KCNIP4: variants seen among roughly 807,000 people sequenced by gnomAD.
The protein encoded by KCNIP4 is Kv channel-interacting protein 4.
KCNIP4 carries 12 observed loss-of-function variants against 34.0 expected under a neutral mutation model. That is an observed-to-expected ratio of 0.35 (90% CI 0.23 to 0.57). The LOEUF is 0.57. Among genes scored for constraint, KCNIP4 ranks in the 20% least tolerant of loss-of-function variants. The pLI is 0.83. For missense variants in KCNIP4, 238 were observed against 311.7 expected (o/e 0.76, Z 1.78); for synonymous variants, 124 against 102.2 (o/e 1.21, Z -1.29).
At chr4:21,798,833 A>G (rs543411250) in intron 1 of KCNIP4, among the ~76,000 whole-genome samples, 1 of 152,270 alleles carries the variant, frequency 6.6e-6, no homozygotes, top group African/African-American at 2.4e-5. Flanking sequence ...ACCCTGCTTC[A>G]AAATAATCAG....
intron 1 of KCNIP4, among the ~76,000 whole-genome samples, chr4:21,490,383 T>G (rs2109858371): frequency 6.6e-6 from 1 of 152,216 alleles, no homozygotes; most frequent in East Asian, 1.9e-4. Context: ...AAATCTCTGT[T>G]CCTTTCCTTC....
intron 1 of KCNIP4, among the ~76,000 whole-genome samples, chr4:20,964,018 C>T (rs902144667): frequency 6.6e-6 from 1 of 152,158 alleles, no homozygotes; most frequent in Admixed American, 6.5e-5. Flanking sequence ...ACTTATTATA[C>T]TCTAAGTATA....
At chr4:21,845,589 T>C (rs1723966892) in intron 1 of KCNIP4, 1 of 152,086 alleles carries the variant, frequency 6.6e-6, no homozygotes, top group African/African-American at 2.4e-5. Flanking sequence ...GCTTTTTTTC[T>C]TGCAAAAGGA....
Position 21,235,723 on chromosome 4 carries a change from T to G in KCNIP4, c.62-353014A>C, listed in dbSNP as rs370542503. 3.0e-4 allele frequency among the ~76,000 whole-genome samples: 45 copies of G among 152,364 alleles called. 1 individual carries two copies. The East Asian group carries it at 7.1e-3, about 24-fold the overall frequency. On this transcript the variant is annotated intron_variant, in intron 1 of 8. Transcript: ENST00000382152. ...TAACTTCTATGAGGCAAGGATTTCT[T>G]TGGCTTAACAATATCACAGTGACTG...
At chr4:21,441,891 G>A (rs894943186) in intron 1 of KCNIP4, among the ~76,000 whole-genome samples, 2 of 152,142 alleles carry the variant, frequency 1.3e-5, no homozygotes, top group Non-Finnish European at 2.9e-5. Flanking sequence ...AGGCTTTGGA[G>A]AAAGATTTAA....
chr4:21,203,628 C>A (rs1036067780), intron 1 of KCNIP4, among the ~76,000 whole-genome samples: 3 of 152,312 alleles, frequency 2.0e-5, no homozygotes, highest in Middle Eastern at 3.4e-3. Context: ...CCTGTTCTTG[C>A]CCCTGCTGGC....
At chr4:21,664,574 C>T (rs1436649065) in intron 1 of KCNIP4, among the ~76,000 whole-genome samples, 2 of 152,010 alleles carry the variant, frequency 1.3e-5, no homozygotes, top group Non-Finnish European at 2.9e-5. Flanking sequence ...ATAGCAAAGT[C>T]GTTAAAAGTG....
At chr4:21,932,646 C>G (rs893318762) in intron 1 of KCNIP4, among the ~76,000 whole-genome samples, 6 of 151,956 alleles carry the variant, frequency 3.9e-5, no homozygotes, top group African/African-American at 1.2e-4. Flanking sequence ...GAAATCAAAA[C>G]TTTCAGGCCA....
chr4:21,605,595 C>G (rs1273987012), intron 1 of KCNIP4, among the ~76,000 whole-genome samples: 1 of 152,050 alleles, frequency 6.6e-6, no homozygotes, highest in Non-Finnish European at 1.5e-5. Flanking sequence ...ATTCTCCTGC[C>G]TCAGCCTCCA....
At chr4:21,131,073 C>T (rs1751032734) in intron 1 of KCNIP4, among the ~76,000 whole-genome samples, 1 of 152,076 alleles carries the variant, frequency 6.6e-6, no homozygotes, top group African/African-American at 2.4e-5. Flanking sequence ...GAACGTATTT[C>T]TGTATATATA....
intron 1 of KCNIP4, among the ~76,000 whole-genome samples, chr4:21,439,113 CAT>C (rs903620417): frequency 6.9e-6 from 1 of 145,416 alleles, no homozygotes; most frequent in African/African-American, 2.6e-5. Flanking sequence ...AGTGAGCCGA[CAT>C]CGCGCCACTG....
intron 1 of KCNIP4, among the ~76,000 whole-genome samples, chr4:21,312,322 TA>T (rs998333504): frequency 2.1e-4 from 32 of 152,298 alleles, no homozygotes; most frequent in African/African-American, 7.2e-4. Flanking sequence ...GAAAGCTCCC[TA>T]AAAAGGAATC....
At chr4:21,445,189 G>A (rs1727867331) in intron 1 of KCNIP4, among the ~76,000 whole-genome samples, 1 of 152,082 alleles carries the variant, frequency 6.6e-6, no homozygotes. Context: ...CTTGAAAATG[G>A]CCATACTGCC....
intron 1 of KCNIP4, among the ~76,000 whole-genome samples, chr4:20,934,607 T>C (rs1000708772): frequency 2.6e-5 from 4 of 152,192 alleles, no homozygotes; most frequent in East Asian, 1.9e-4. Context: ...CCACACACTA[T>C]GCAAGCATTG....
At chr4:21,619,797 T>C (rs1347127733) in intron 1 of KCNIP4, among the ~76,000 whole-genome samples, 6 of 152,252 alleles carry the variant, frequency 3.9e-5, no homozygotes, top group African/African-American at 7.2e-5. Flanking sequence ...TTCAAGTGTT[T>C]CATGGTCTAA....
At chr4:21,853,959 C>A (rs534752224) in intron 1 of KCNIP4, among the ~76,000 whole-genome samples, 1 of 152,160 alleles carries the variant, frequency 6.6e-6, no homozygotes, top group African/African-American at 2.4e-5. Flanking sequence ...GGCCTTGAGA[C>A]GATAGAAGAA....
At chr4:21,815,605 C>T (rs1349556844) in intron 1 of KCNIP4, among the ~76,000 whole-genome samples, 3 of 152,056 alleles carry the variant, frequency 2.0e-5, no homozygotes, top group Admixed American at 6.6e-5. Flanking sequence ...TGCAGACTGA[C>T]ATCTACAAGT....
intron 1 of KCNIP4, among the ~76,000 whole-genome samples, chr4:21,349,332 T>C (rs1717775141): frequency 6.6e-6 from 1 of 151,810 alleles, no homozygotes; most frequent in Admixed American, 6.6e-5. Context: ...AGCAGAAGAG[T>C]AAATTGAGTC....
At chr4:21,049,839 A>G (rs1016890614) in intron 1 of KCNIP4, among the ~76,000 whole-genome samples, 1 of 152,240 alleles carries the variant, frequency 6.6e-6, no homozygotes, top group African/African-American at 2.4e-5. Context: ...TCTTACAGGC[A>G]TGGTTTTTAA....
Sources: allele counts gnomAD v4.1 joint callset (sites outside exome capture counted in the v4.1 genomes callset), GRCh38; gene constraint gnomAD v4.1.1; transcripts MANE v1.5; gene names NCBI Gene and HGNC (gene_info 2026-07-23, HGNC 2026-07-21).